Variants in AFF3 observed in about 807,000 individuals in gnomAD.
AFF3 encodes AF4/FMR2 family member 3.
AFF3 carries 32 observed loss-of-function variants against 129.7 expected under a neutral mutation model. The ratio of observed to expected loss-of-function variants is 0.25; its 90% confidence interval spans 0.19 to 0.33. The LOEUF (loss-of-function observed/expected upper bound fraction) is 0.33. Ranked by LOEUF, AFF3 falls within the 10% of genes least tolerant of loss-of-function variation. AFF3 has a pLI of 1.00. For synonymous variants in AFF3, 644 were observed against 635.4 expected, an observed-to-expected ratio of 1.01 and a Z score of -0.20; for missense variants, 1,373 against 1,592.0, an observed-to-expected ratio of 0.86 and a Z score of 2.34.
At chr2:99,576,159 A>G (rs1676969695) in intron 18 of AFF3, among the ~76,000 whole-genome samples, 1 of 151,658 alleles carries the variant, frequency 6.6e-6, no homozygotes, top group African/African-American at 2.4e-5. Flanking sequence ...CAGCCTCCGG[A>G]GTAGCTGAGA....
rs1445261445 is a variant in AFF3, at chr2:99,990,479, A to C, written c.873+16153T>G. Among the ~76,000 whole-genome samples, 3 of 152,156 alleles carry C rather than the reference A, an allele frequency of 2.0e-5. No individual in the cohort carries two copies. The East Asian group carries it at 5.8e-4, about 29-fold the overall frequency. Reference sequence around the variant, plus strand: ...TTAACATCTTAATCATTTTCATACAACTAAAAATTTTTTATATTATGAAAT... The same window carrying C: ...TTAACATCTTAATCATTTTCATACACCTAAAAATTTTTTATATTATGAAAT... On this transcript the variant is annotated intron_variant, in intron 7 of 24. Transcript: ENST00000672756.
rs555578950 is a variant in AFF3 at position 100,045,213 on chromosome 2, GAGA to G, written c.54-36284_54-36282del. Among the ~76,000 whole-genome samples the G allele has an allele frequency of 7.2e-5, 11 of 152,262 alleles. No individual in the cohort carries two copies. The South Asian group carries it at 2.3e-3, about 32-fold the overall frequency. ...TTTCCTTATCAAGTGGTCAGTGGTA[GAGA>G]AGACGGTGAGGTCACTCAGAAGACA... On this transcript the variant is annotated intron_variant, in intron 4 of 24. Coordinates refer to ENST00000672756, the MANE Select transcript of AFF3 (RefSeq NM_001386135.1).
In AFF3 at chr2:99,707,114, G is replaced by A. The variant is rs1364945928; in HGVS notation, c.1091+19963C>T. 4 of 985,354 alleles carry A rather than the reference G, an allele frequency of 4.1e-6. No homozygotes were observed. In the East Asian group the frequency reaches 4.5e-4, roughly 112 times the overall value. 61.0% of individuals were successfully genotyped at this position (985,354 alleles called of 1,614,324 possible). On this transcript the variant is annotated intron_variant, in intron 11 of 24. Transcript: ENST00000672756. ...TGAAAATATTCTTACCCCGATGAAG[G>A]CTGGCTCCAGTTGTGGCTTAGCAAG...
chr2:100,030,912 T>C (rs145386737), intron 4 of AFF3, among the ~76,000 whole-genome samples: 2 of 152,118 alleles, frequency 1.3e-5, no homozygotes, highest in Non-Finnish European at 2.9e-5. Flanking sequence ...ACTGTAATGA[T>C]GAATACAAGA....
intron 7 of AFF3, among the ~76,000 whole-genome samples, chr2:99,838,286 G>C (rs1689051215): frequency 6.6e-6 from 1 of 152,110 alleles, no homozygotes. Context: ...CCTACCTGTG[G>C]TCTCAGGGAG....
At chr2:99,820,870 C>CTTTTTT (rs869085194) in intron 8 of AFF3, among the ~76,000 whole-genome samples, 4 of 101,718 alleles carry the variant, frequency 3.9e-5, no homozygotes, top group Admixed American at 2.3e-4. Context: ...TCCTCCACAT[C>CTTTTTT]TTTTTTTTTT....
chr2:99,578,691 G>C (rs748023371), intron 17 of AFF3, among the ~76,000 whole-genome samples: 1 of 152,146 alleles, frequency 6.6e-6, no homozygotes, highest in Non-Finnish European at 1.5e-5. Flanking sequence ...AAGTCATGAC[G>C]CCTACTCTCA....
chr2:99,758,585 CA>C (rs5832882), intron 8 of AFF3, among the ~76,000 whole-genome samples: 12,487 of 102,826 alleles, frequency 0.12, 1,066 homozygotes, highest in African/African-American at 0.33. Flanking sequence ...GACTCCATCT[CA>C]AAAAAAAAAA....
intron 11 of AFF3, among the ~76,000 whole-genome samples, chr2:99,690,610 G>A (rs1156538507): frequency 1.3e-5 from 2 of 152,084 alleles, no homozygotes; most frequent in Non-Finnish European, 2.9e-5. Flanking sequence ...AGAATCCCAC[G>A]GCTTCGATCG....
At chr2:100,045,005 A>G (rs1378435871) in intron 4 of AFF3, among the ~76,000 whole-genome samples, 2 of 152,166 alleles carry the variant, frequency 1.3e-5, no homozygotes, top group Non-Finnish European at 2.9e-5. Context: ...GAAGAAGAGC[A>G]TCAGCCCACA....
chr2:99,673,409 T>G (rs1258913420), intron 11 of AFF3, among the ~76,000 whole-genome samples: 1 of 152,110 alleles, frequency 6.6e-6, no homozygotes, highest in Non-Finnish European at 1.5e-5. Context: ...AGCACGAGGT[T>G]AAAAGTGAAA....
chr2:100,134,318 GT>G (rs1168168229), intron 1 of AFF3, among the ~76,000 whole-genome samples: 11 of 152,114 alleles, frequency 7.2e-5, no homozygotes, highest in African/African-American at 2.7e-4. Flanking sequence ...ATTTCAATGT[GT>G]AGCTTTGGTT....
rs749403435 is a variant in AFF3 at position 99,551,370 on chromosome 2, G to A, written c.*104C>T. The A allele has an allele frequency of 7.7e-5, 112 of 1,448,756 alleles. No individual in the cohort carries two copies. The highest frequency in any genetic ancestry group is 3.5e-4 in the East Asian group (15 of 42,588). The allele number at this position is 1,448,756 out of a possible 1,614,324, so 89.7% of individuals were successfully genotyped here. A position where few individuals can be genotyped will look rare whatever the true frequency, so the allele number is the denominator to read the frequency against. ...GTTCAATGCTGAGGAAATGTTCACC[G>A]CAGTCTGATAAATGCTGTGGCTGGG... On this transcript the variant is annotated 3_prime_UTR_variant, in exon 25 of 25. Transcript: ENST00000672756.
rs59169692 is a variant in AFF3 at position 99,750,418 on chromosome 2, C to CTT, written c.1002+1801_1002+1802dup. ...AAAAAGTACTTTTTTTTTTTCTTTT[C>CTT]TTTTTTTTTTTTTTGAGACAGCGTC... is the stretch of plus-strand genomic sequence containing the variant. On this transcript the variant is annotated intron_variant, in intron 9 of 24. Coordinates refer to ENST00000672756, the MANE Select transcript of AFF3 (RefSeq NM_001386135.1). Among the ~76,000 whole-genome samples the CTT allele has an allele frequency of 3.3e-3, 420 of 129,100 alleles. 6 individuals carry two copies. Among genetic ancestry groups the CTT allele is most frequent in the African/African-American group, 0.011 (401 of 35,602 alleles). 84.7% of individuals were successfully genotyped at this position (129,100 alleles called of 152,430 possible).
intron 8 of AFF3, among the ~76,000 whole-genome samples, chr2:99,765,100 T>G (rs2105292558): frequency 6.6e-6 from 1 of 152,306 alleles, no homozygotes; most frequent in Admixed American, 6.5e-5. Flanking sequence ...TTACTAACTA[T>G]GCCACTGACA....
In AFF3 at chr2:99,827,745, A is replaced by C. The variant is rs373855458; in HGVS notation, c.921+9732T>G. Among the ~76,000 whole-genome samples the C allele has an allele frequency of 2.0e-5, 3 of 152,052 alleles. No homozygotes were observed. In the South Asian group the frequency reaches 6.2e-4, roughly 32 times the overall value. ...AAAGAATCTGTATGTGTTTACTGAGAATGAGATGCCAGCAGAGAGGCAGAG... is the reference window on the plus strand; with the variant it reads ...AAAGAATCTGTATGTGTTTACTGAGCATGAGATGCCAGCAGAGAGGCAGAG... On this transcript the variant is annotated intron_variant, in intron 8 of 24. Coordinates refer to ENST00000672756, the MANE Select transcript of AFF3 (RefSeq NM_001386135.1).
chr2:100,075,818 A>G (rs116070904), intron 4 of AFF3, among the ~76,000 whole-genome samples: 1,644 of 152,254 alleles, frequency 0.011, 27 homozygotes, highest in African/African-American at 0.038. Context: ...TTGTTTCTCC[A>G]TAGTTCCCAC....
rs1340240048 is a variant in AFF3 at position 99,744,120 on chromosome 2, A to G, written c.1023T>C (p.Ser341=). 2 of 1,606,608 alleles carry G rather than the reference A, an allele frequency of 1.2e-6. No homozygotes were observed. The highest frequency in any genetic ancestry group is 4.5e-5 in the East Asian group (2 of 44,352). Residue 341 remains serine, a synonymous_variant, in exon 10 of 25, where the codon TCT becomes TCC. Coordinates refer to ENST00000672756, the MANE Select transcript of AFF3 (RefSeq NM_001386135.1). ...CTTTCTTACTTGGATTATTGTGTCC[A>G]GAGGATACAAGCTGAGAGTCCTGAA... ...FPNKDSQLVS[S]GHNNPKKGDA... is the part of the protein sequence containing the mutation.
intron 13 of AFF3, among the ~76,000 whole-genome samples, chr2:99,640,886 T>C (rs531421549): frequency 1.3e-5 from 2 of 152,260 alleles, no homozygotes; most frequent in Non-Finnish European, 2.9e-5. Flanking sequence ...AGTTGGCTAT[T>C]TAAGGTTTCC....
Sources: gnomAD v4.1 joint callset for allele counts (sites outside exome capture counted in the v4.1 genomes callset) on GRCh38, gnomAD v4.1.1 for gene constraint, MANE v1.5 for transcripts, NCBI Gene and HGNC (gene_info 2026-07-23, HGNC 2026-07-21) for gene names.